The following HS3ST4 variants were observed in gnomAD, a reference collection of about 807,000 sequenced individuals.
HS3ST4 encodes the protein heparan sulfate glucosamine 3-O-sulfotransferase 4.
HS3ST4 carries 17 observed loss-of-function variants against 29.2 expected under a neutral mutation model. That is an observed-to-expected ratio of 0.58 (90% CI 0.40 to 0.87). The LOEUF is 0.87. Ranked by LOEUF, HS3ST4 falls within the 40% of genes least tolerant of loss-of-function variation. The pLI is 0.00. For missense variants in HS3ST4, 627 were observed against 634.5 expected (o/e 0.99, Z 0.13); for synonymous variants, 314 against 285.7 (o/e 1.10, Z -1.00).
intron 1 of HS3ST4, among the ~76,000 whole-genome samples, chr16:26,091,089 C>T (rs975605865): frequency 6.6e-6 from 1 of 152,134 alleles, no homozygotes; most frequent in South Asian, 2.1e-4. Context: ...AGTTTGAGAA[C>T]CACTAAGGTA....
intron 1 of HS3ST4, among the ~76,000 whole-genome samples, chr16:26,039,925 A>C (rs1040662497): frequency 1.3e-5 from 2 of 152,206 alleles, no homozygotes; most frequent in East Asian, 1.9e-4. Context: ...GGTTTTCATT[A>C]TTGCAACAAT....
intron 1 of HS3ST4, among the ~76,000 whole-genome samples, chr16:26,028,758 A>C (rs998728722): frequency 4.6e-5 from 7 of 152,062 alleles, no homozygotes; most frequent in African/African-American, 1.7e-4. Context: ...AGTTGTTGAC[A>C]TATATATTGA....
At chr16:26,053,998 C>A (rs956755884) in intron 1 of HS3ST4, among the ~76,000 whole-genome samples, 6 of 152,092 alleles carry the variant, frequency 3.9e-5, no homozygotes, top group African/African-American at 1.4e-4. Context: ...ACCACAAAGA[C>A]AAGGAAAAGG....
At chr16:25,877,208 C>T (rs946028969) in intron 1 of HS3ST4, among the ~76,000 whole-genome samples, 1 of 152,046 alleles carries the variant, frequency 6.6e-6, no homozygotes, top group African/African-American at 2.4e-5. Context: ...AATGTGTCCC[C>T]CAGCCTGAAA....
chr16:25,763,843 G>A (rs1442732889), intron 1 of HS3ST4, among the ~76,000 whole-genome samples: 1 of 152,184 alleles, frequency 6.6e-6, no homozygotes, highest in Non-Finnish European at 1.5e-5. Context: ...CAAGAGACTT[G>A]TTTAGATTTG....
At chr16:25,879,501 T>C (rs1967871385) in intron 1 of HS3ST4, among the ~76,000 whole-genome samples, 1 of 151,870 alleles carries the variant, frequency 6.6e-6, no homozygotes, top group Non-Finnish European at 1.5e-5. Flanking sequence ...GAAATTCCCG[T>C]TTTTAAAACC....
chr16:25,768,478 A>T (rs565788654), intron 1 of HS3ST4, among the ~76,000 whole-genome samples: 2 of 152,232 alleles, frequency 1.3e-5, no homozygotes, highest in South Asian at 4.1e-4. Context: ...AATTCAGGGC[A>T]GGGGATCTCA....
At chr16:25,820,125 C>CGACGTA in intron 1 of HS3ST4, among the ~76,000 whole-genome samples, 1 of 65,670 alleles carries the variant, frequency 1.5e-5, no homozygotes, top group African/African-American at 6.1e-5. Flanking sequence ...GAAACGTGCT[C>CGACGTA]TTCTCCCATT....
chr16:25,702,424 G>T (rs1356613884), intron 1 of HS3ST4, among the ~76,000 whole-genome samples: 1 of 152,280 alleles, frequency 6.6e-6, no homozygotes, highest in East Asian at 1.9e-4. Context: ...AGCAAAAATT[G>T]CAAGGGACTT....
chr16:25,947,582 G>T (rs1410613227), intron 1 of HS3ST4, among the ~76,000 whole-genome samples: 7 of 152,036 alleles, frequency 4.6e-5, no homozygotes, highest in African/African-American at 1.7e-4. Context: ...AGTATAAGCA[G>T]CCAAGCCAAA....
intron 1 of HS3ST4, among the ~76,000 whole-genome samples, chr16:25,879,927 C>T (rs1256581412): frequency 3.3e-5 from 5 of 152,194 alleles, no homozygotes; most frequent in East Asian, 3.9e-4. Context: ...ATTTATAAAG[C>T]GATCAGATCT....
intron 1 of HS3ST4, among the ~76,000 whole-genome samples, chr16:25,727,225 A>C (rs573798970): frequency 1.1e-4 from 16 of 152,340 alleles, no homozygotes; most frequent in African/African-American, 3.8e-4. Context: ...AAAAGACTGG[A>C]AACCACCTAA....
intron 1 of HS3ST4, among the ~76,000 whole-genome samples, chr16:26,118,186 C>T (rs867795573): frequency 2.0e-5 from 3 of 152,174 alleles, no homozygotes; most frequent in Admixed American, 1.3e-4. Context: ...CCACCTTAGC[C>T]TCCTGAGTAG....
chr16:25,969,825 C>T (rs1478918146), intron 1 of HS3ST4, among the ~76,000 whole-genome samples: 3 of 152,174 alleles, frequency 2.0e-5, no homozygotes, highest in Non-Finnish European at 4.4e-5. Context: ...CAGATGGTCC[C>T]CATTTCAGAT....
chr16:26,007,208 C>T (rs1388585087), intron 1 of HS3ST4, among the ~76,000 whole-genome samples: 2 of 152,348 alleles, frequency 1.3e-5, no homozygotes, highest in Non-Finnish European at 2.9e-5. Context: ...CAGAAAGGCA[C>T]ATGCTCTTCA....
intron 1 of HS3ST4, among the ~76,000 whole-genome samples, chr16:25,857,484 TA>T (rs1408629958): frequency 6.6e-6 from 1 of 152,202 alleles, no homozygotes; most frequent in African/African-American, 2.4e-5. Context: ...TTTTCTTTTA[TA>T]CACTTCTGCG....
chr16:26,028,005 G>A (rs548890143), intron 1 of HS3ST4, among the ~76,000 whole-genome samples: 1 of 152,200 alleles, frequency 6.6e-6, no homozygotes, highest in Non-Finnish European at 1.5e-5. Flanking sequence ...TGGGAGCGGG[G>A]CTCATGCCTG....
At chr16:25,820,978 T>A (rs1365368462) in intron 1 of HS3ST4, among the ~76,000 whole-genome samples, 2 of 152,140 alleles carry the variant, frequency 1.3e-5, no homozygotes, top group Non-Finnish European at 2.9e-5. Context: ...GGCTTTGCTA[T>A]AGCTTTTTTG....
rs1161040702 is a variant in HS3ST4, at chr16:25,691,962, C to T, written c.-456C>T. The T allele has an allele frequency of 6.6e-6, 1 of 151,328 alleles. No homozygotes were observed. Among genetic ancestry groups the T allele is most frequent in the East Asian group, 2.0e-4 (1 of 4,994 alleles). The allele number at this position is 151,328 out of a possible 1,614,324, so 9.4% of individuals were successfully genotyped here. ...GCGCGCGCCCGGCCCCCTCCTCCTC[C>T]CCTCCGCGCCTCTCCTCTCTCCCGG... On this transcript the variant is annotated 5_prime_UTR_variant, in exon 1 of 2. Coordinates refer to ENST00000331351, the MANE Select transcript of HS3ST4 (RefSeq NM_006040.3).
Sources: allele counts gnomAD v4.1 joint callset (sites outside exome capture counted in the v4.1 genomes callset), GRCh38; gene constraint gnomAD v4.1.1; transcripts MANE v1.5; gene names NCBI Gene and HGNC (gene_info 2026-07-23, HGNC 2026-07-21).